Variants in DNAAF4 observed in about 807,000 individuals in gnomAD.
The protein encoded by DNAAF4 is dynein assembly factor 4, axonemal.
In DNAAF4, 43 loss-of-function variants were observed where a neutral mutation model predicts 51.8. The observed-to-expected ratio is 0.83, with a 90% CI of 0.65 to 1.07. The LOEUF is 1.07. Among genes scored for constraint, DNAAF4 ranks in the 50% least tolerant of loss-of-function variants. The pLI, the probability that DNAAF4 is intolerant of heterozygous loss-of-function variation, is 0.00. For synonymous variants in DNAAF4, 194 were observed against 165.6 expected, an observed-to-expected ratio of 1.17 and a Z score of -1.32; for missense variants, 581 against 493.0, an observed-to-expected ratio of 1.18 and a Z score of -1.69.
At chr15:55,499,282 C>G (rs2058679581) in intron 1 of DNAAF4, among the ~76,000 whole-genome samples, 1 of 152,202 alleles carries the variant, frequency 6.6e-6, no homozygotes, top group Admixed American at 6.5e-5. Context: ...CAAACCCACA[C>G]CTCTGTTGAG....
chr15:55,451,785 T>G (rs2057936707), intron 5 of DNAAF4, among the ~76,000 whole-genome samples: 1 of 152,058 alleles, frequency 6.6e-6, no homozygotes, highest in Admixed American at 6.6e-5. Flanking sequence ...GCTAATTTTT[T>G]GTTTGTATGC....
intron 4 of DNAAF4, among the ~76,000 whole-genome samples, chr15:55,481,297 G>GC (rs1555419845): frequency 6.6e-6 from 1 of 152,142 alleles, no homozygotes; most frequent in Non-Finnish European, 1.5e-5. Context: ...AAGGGATGCT[G>GC]CCCCAAAATT....
At chr15:55,483,086 C>CTTTATTTA (rs565743327) in intron 4 of DNAAF4, among the ~76,000 whole-genome samples, 2 of 151,672 alleles carry the variant, frequency 1.3e-5, no homozygotes, top group Non-Finnish European at 2.9e-5. Context: ...AAATAGGGCT[C>CTTTATTTA]TTTATTTATT....
chr15:55,466,660 C>T lies in DNAAF4; in HGVS notation c.637+270G>A, dbSNP rs8034383. Reference sequence around the variant, plus strand: ...GGGCCTGAGTTAAGCACTTATTTAACAACATCTTTGTAAATTTCAAAAGAA... The same window carrying T: ...GGGCCTGAGTTAAGCACTTATTTAATAACATCTTTGTAAATTTCAAAAGAA... On this transcript the variant is annotated intron_variant, in intron 5 of 9. Transcript: ENST00000321149. Among the ~76,000 whole-genome samples the T allele has an allele frequency of 0.04, 6,078 of 152,216 alleles. 399 individuals carry two copies. The highest frequency in any genetic ancestry group is 0.14 in the African/African-American group (5,748 of 41,490).
At chr15:55,432,939 G>T (rs1283256344) in intron 8 of DNAAF4, among the ~76,000 whole-genome samples, 2 of 151,526 alleles carry the variant, frequency 1.3e-5, no homozygotes, top group Non-Finnish European at 2.9e-5. Flanking sequence ...GACAGAGCGA[G>T]AATCCGTCTC....
At chr15:55,452,375 T>C (rs1172721259) in intron 5 of DNAAF4, among the ~76,000 whole-genome samples, 1 of 151,308 alleles carries the variant, frequency 6.6e-6, no homozygotes, top group Non-Finnish European at 1.5e-5. Flanking sequence ...ATATAGAACA[T>C]GCAGGAAATC....
At position 55,467,164 on chromosome 15, in the gene DNAAF4, A is replaced by G. The variant is rs756210720; in HGVS notation, c.406-3T>C. 2.0e-5 allele frequency: 30 copies of G among 1,526,550 alleles called. No individual in the cohort carries two copies. Among genetic ancestry groups the G allele is most frequent in the Middle Eastern group, 3.4e-4 (2 of 5,816 alleles). The allele number at this position is 1,526,550 out of a possible 1,614,324, so 94.6% of individuals were successfully genotyped here. On this transcript the variant is annotated splice_region_variant and splice_polypyrimidine_tract_variant and intron_variant, in intron 4 of 9. Coordinates refer to ENST00000321149, the MANE Select transcript of DNAAF4 (RefSeq NM_130810.4). ...TTTTTCCTCTCTTCTTCTTCAATCTATAACAATTGCAATTACCAAATTCTT... is the reference window on the plus strand; with the variant it reads ...TTTTTCCTCTCTTCTTCTTCAATCTGTAACAATTGCAATTACCAAATTCTT...
Position 55,498,538 on chromosome 15 carries a change from T to C in DNAAF4, c.-209A>G. ...CAGAGAGTGATGCCGATTCTTGGGG[T>C]TACCTTACGATCTGAGCGAATGTTC... On this transcript the variant is annotated 5_prime_UTR_variant, in exon 2 of 10. Transcript: ENST00000321149. The C allele has an allele frequency of 1.9e-6, 1 of 519,060 alleles. No individual in the cohort carries two copies. The highest frequency in any genetic ancestry group is 2.4e-5 in the South Asian group (1 of 42,118). 32.2% of individuals were successfully genotyped at this position (519,060 alleles called of 1,614,324 possible).
intron 6 of DNAAF4, 66 bp from the exon 7 acceptor site, chr15:55,439,647 A>AT (rs2057675169): frequency 1.4e-6 from 2 of 1,394,818 alleles, no homozygotes; most frequent in African/African-American, 1.4e-5. Flanking sequence ...TTCCTTTTAG[A>AT]TTTTCCATCT....
intron 4 of DNAAF4, among the ~76,000 whole-genome samples, chr15:55,479,867 G>A (rs922941194): frequency 6.6e-6 from 1 of 152,002 alleles, no homozygotes; most frequent in African/African-American, 2.4e-5. Flanking sequence ...GTAAATTTGT[G>A]GTCAGACCAG....
At chr15:55,484,210 G>A (rs1268345600) in intron 4 of DNAAF4, among the ~76,000 whole-genome samples, 3 of 152,094 alleles carry the variant, frequency 2.0e-5, no homozygotes, top group East Asian at 3.9e-4. Context: ...TAGGCCGGGC[G>A]CGGTGGCTCA....
chr15:55,464,968 C>G (rs2058147436), intron 5 of DNAAF4, among the ~76,000 whole-genome samples: 2 of 152,074 alleles, frequency 1.3e-5, no homozygotes, highest in South Asian at 4.1e-4. Flanking sequence ...AATAAATAAA[C>G]AAACAAACAA....
rs1373484472 is a variant in DNAAF4, at chr15:55,439,479, T to C, written c.886A>G (p.Lys296Glu). The stretch of plus-strand genomic sequence containing the variant: ...AGAGTTCAAACAACTTACTTTCCTT[T>C]ATCCTTCAACCATTCTGGGTTCTTT... ...EEKNPEWLKD[K>E]GNKLFATENY... The change falls in exon 7 of 10, where the codon AAA becomes GAA. Residue 296 changes from lysine (K) to glutamate (E), a missense_variant. Physicochemically the swap from Lys to Glu is moderately conservative, Grantham distance 56 (BLOSUM62 1). Coordinates refer to ENST00000321149, the MANE Select transcript of DNAAF4 (RefSeq NM_130810.4). 2 of 1,613,276 alleles carry C rather than the reference T, an allele frequency of 1.2e-6. No homozygotes were observed. Among genetic ancestry groups the C allele is most frequent in the East Asian group, 4.5e-5 (2 of 44,862 alleles).
chr15:55,467,084 G>A lies in DNAAF4; in HGVS notation c.483C>T (p.Ala161=). The A allele has an allele frequency of 6.5e-7, 1 of 1,545,192 alleles. No homozygotes were observed. The highest frequency in any genetic ancestry group is 1.2e-5 in the South Asian group (1 of 81,464). ...CAGCTTTTCTTTGATATTCTTTCCA[G>A]GCTTCCAATGCTTTAGTGGCTTTTA... ...ERIKATKALE[A]WKEYQRKAEE... is the part of the protein sequence containing the mutation. Residue 161 remains alanine, a synonymous_variant, in exon 5 of 10, where the codon GCC becomes GCT. Coordinates refer to ENST00000321149, the MANE Select transcript of DNAAF4 (RefSeq NM_130810.4).
chr15:55,478,928 C>T (rs531664380), intron 4 of DNAAF4, among the ~76,000 whole-genome samples: 2 of 152,178 alleles, frequency 1.3e-5, no homozygotes, highest in Non-Finnish European at 2.9e-5. Flanking sequence ...CAACCACCCC[C>T]TAGAGATTAA....
At chr15:55,443,651 A>G (rs1304563494) in intron 6 of DNAAF4, among the ~76,000 whole-genome samples, 2 of 152,190 alleles carry the variant, frequency 1.3e-5, no homozygotes, top group Non-Finnish European at 2.9e-5. Context: ...GAACTAGTTT[A>G]CAGTCCCACC....
chr15:55,480,016 T>C (rs2141552459), intron 4 of DNAAF4, among the ~76,000 whole-genome samples: 1 of 152,336 alleles, frequency 6.6e-6, no homozygotes, highest in East Asian at 1.9e-4. Context: ...TGTCAGTAGT[T>C]CTGCTTTTGC....
chr15:55,497,920 G>C lies in DNAAF4; in HGVS notation c.124-61C>G, dbSNP rs576862642. 3.9e-6 allele frequency: 6 copies of C among 1,543,184 alleles called. No homozygotes were observed. The African/African-American group carries it at 4.2e-5, about 11-fold the overall frequency. ...TACACAAATTAAGCACGCGTATTAA[G>C]AAACACGTGAAAAAGGTAAAATAAC... On this transcript the variant is annotated intron_variant, in intron 2 of 9. Coordinates refer to ENST00000321149, the MANE Select transcript of DNAAF4 (RefSeq NM_130810.4).
chr15:55,423,782 G>A (rs2057407610), intron 7 of DNAAF4, among the ~76,000 whole-genome samples: 1 of 151,970 alleles, frequency 6.6e-6, no homozygotes. Context: ...GTGAAATGCT[G>A]TCTCTATTAA....
Sources: allele counts gnomAD v4.1 joint callset (sites outside exome capture counted in the v4.1 genomes callset), GRCh38; gene constraint gnomAD v4.1.1; transcripts MANE v1.5; gene names NCBI Gene and HGNC (gene_info 2026-07-23, HGNC 2026-07-21).